The following KIAA1671 variants were observed in gnomAD, a reference collection of about 807,000 sequenced individuals.
The protein encoded by KIAA1671 is KIAA1671, also known as uncharacterized protein KIAA1671.
A neutral mutation model predicts 131.2 loss-of-function variants in KIAA1671; 52 were observed. That is an observed-to-expected ratio of 0.40 (90% confidence interval 0.32 to 0.50). KIAA1671 has a LOEUF of 0.50. KIAA1671 is among the 20% of genes least tolerant of loss of function. The pLI is 0.73. For synonymous variants in KIAA1671, 1,003 were observed against 961.6 expected, an observed-to-expected ratio of 1.04 and a Z score of -0.80; for missense variants, 2,360 against 2,364.2, an observed-to-expected ratio of 1.00 and a Z score of 0.04.
intron 6 of KIAA1671, among the ~76,000 whole-genome samples, chr22:25,142,917 G>T (rs1307174162): frequency 6.6e-6 from 1 of 152,186 alleles, no homozygotes; most frequent in Non-Finnish European, 1.5e-5. Context: ...GTGCTCCTGT[G>T]CCTTACCTGG....
chr22:25,082,848 A>C (rs1361647041), intron 6 of KIAA1671, among the ~76,000 whole-genome samples: 1 of 152,192 alleles, frequency 6.6e-6, no homozygotes, highest in Non-Finnish European at 1.5e-5. Context: ...AGAACAAAAA[A>C]ACAAAAAACA....
intron 5 of KIAA1671, among the ~76,000 whole-genome samples, chr22:25,046,662 T>C (rs1927249860): frequency 6.6e-6 from 1 of 152,220 alleles, no homozygotes; most frequent in South Asian, 2.1e-4. Context: ...AATTCCTTTT[T>C]TTCTTTTGAG....
intron 1 of KIAA1671, among the ~76,000 whole-genome samples, chr22:24,965,860 C>T (rs1315592899): frequency 1.3e-5 from 2 of 151,778 alleles, no homozygotes. Context: ...GTTGTAGTAG[C>T]AGAAATAGCA....
rs571028676 is a variant in KIAA1671, at chr22:25,069,769, C to T, written c.4530+20405C>T. Among the ~76,000 whole-genome samples the T allele has an allele frequency of 3.3e-5, 5 of 152,210 alleles. No individual in the cohort carries two copies. In the East Asian group the frequency reaches 5.8e-4, roughly 18 times the overall value. ...ATGGGATCCTGAGTTGATTTCCTTC[C>T]CTGTAACGAGTGGCAGGGCCTCCTT... On this transcript the variant is annotated intron_variant, in intron 6 of 12. Coordinates refer to ENST00000358431, the MANE Select transcript of KIAA1671 (RefSeq NM_001145206.2).
chr22:24,992,646 C>G (rs545019037), intron 1 of KIAA1671, among the ~76,000 whole-genome samples: 2 of 151,826 alleles, frequency 1.3e-5, no homozygotes, highest in Non-Finnish European at 2.9e-5. Flanking sequence ...GAAACCCCCT[C>G]TCTACTAAAA....
chr22:25,093,747 T>A (rs1930180494), intron 6 of KIAA1671, among the ~76,000 whole-genome samples: 11 of 125,722 alleles, frequency 8.7e-5, no homozygotes, highest in East Asian at 2.4e-4. Context: ...ACTCTCTCTC[T>A]CTCTCTCTCT....
chr22:25,161,457 G>A (rs566123016), intron 6 of KIAA1671, among the ~76,000 whole-genome samples: 29 of 152,338 alleles, frequency 1.9e-4, no homozygotes, highest in South Asian at 1.0e-3. Flanking sequence ...AGCTCAGACA[G>A]GGGCCTGTGG....
At chr22:25,142,592 C>T (rs1256359025) in intron 6 of KIAA1671, among the ~76,000 whole-genome samples, 13 of 152,160 alleles carry the variant, frequency 8.5e-5, no homozygotes, top group Admixed American at 3.3e-4. Context: ...GATGGATGGA[C>T]CGGGCATGGT....
At chr22:25,087,191 A>G (rs1326231723) in intron 6 of KIAA1671, among the ~76,000 whole-genome samples, 2 of 133,442 alleles carry the variant, frequency 1.5e-5, no homozygotes, top group Non-Finnish European at 3.2e-5. Context: ...TTATTTACCA[A>G]CCTCAGCTAC....
chr22:24,965,371 C>T (rs937265196), intron 1 of KIAA1671, among the ~76,000 whole-genome samples: 1 of 149,060 alleles, frequency 6.7e-6, no homozygotes, highest in Non-Finnish European at 1.5e-5. Flanking sequence ...ACTGAGATCA[C>T]GCCAGTGCAC....
At chr22:25,136,322 G>A (rs1932672659) in intron 6 of KIAA1671, among the ~76,000 whole-genome samples, 1 of 152,214 alleles carries the variant, frequency 6.6e-6, no homozygotes, top group South Asian at 2.1e-4. Context: ...TCAAGGCTCA[G>A]AGACAACAAG....
At chr22:24,988,735 C>CAAA (rs133092) in intron 1 of KIAA1671, among the ~76,000 whole-genome samples, 1,414 of 106,444 alleles carry the variant, frequency 0.013, 43 homozygotes, top group African/African-American at 0.045. Flanking sequence ...GACTCCATCT[C>CAAA]AAAAAAAAAA....
intron 1 of KIAA1671, among the ~76,000 whole-genome samples, chr22:24,961,854 T>C (rs1249069219): frequency 6.6e-6 from 1 of 152,068 alleles, no homozygotes; most frequent in Admixed American, 6.6e-5. Flanking sequence ...CTGGAGGGCA[T>C]GGGTAAGAAT....
At chr22:25,036,419 T>G (rs2145799844) in intron 4 of KIAA1671, among the ~76,000 whole-genome samples, 1 of 152,252 alleles carries the variant, frequency 6.6e-6, no homozygotes, top group South Asian at 2.1e-4. Context: ...ACACATAACA[T>G]AAAATATATC....
Position 25,039,085 on chromosome 22 carries a change from C to T in KIAA1671, c.1955C>T (p.Pro652Leu). 1 of 1,551,672 alleles carries T rather than the reference C, an allele frequency of 6.4e-7. No individual in the cohort carries two copies. Among genetic ancestry groups the T allele is most frequent in the African/African-American group, 1.4e-5 (1 of 73,186 alleles). Residue 652 changes from proline to leucine, a missense_variant, in exon 5 of 13, where the codon CCT (proline) becomes CTT (leucine). Coordinates refer to ENST00000358431, the MANE Select transcript of KIAA1671 (RefSeq NM_001145206.2). ...HARVSEPRPR[P>L]EMGSWLGRDP... The stretch of plus-strand genomic sequence containing the variant: ...CGTGTCTCAGAACCCAGGCCGAGGC[C>T]TGAGATGGGCTCTTGGCTGGGCAGG...
At chr22:25,096,151 T>C (rs1422350634) in intron 6 of KIAA1671, among the ~76,000 whole-genome samples, 21 of 152,180 alleles carry the variant, frequency 1.4e-4, no homozygotes. Context: ...CCTTGTCAGA[T>C]GAGGAGAGAC....
intron 1 of KIAA1671, among the ~76,000 whole-genome samples, chr22:25,008,026 T>G (rs1251332609): frequency 1.3e-5 from 2 of 151,796 alleles, no homozygotes; most frequent in Non-Finnish European, 2.9e-5. Flanking sequence ...GATGAAACCC[T>G]GTCTCTATTA....
chr22:25,114,176 A>G (rs992709012), intron 6 of KIAA1671, among the ~76,000 whole-genome samples: 2 of 152,192 alleles, frequency 1.3e-5, no homozygotes, highest in Non-Finnish European at 2.9e-5. Flanking sequence ...AATACATTCA[A>G]GCTTCAGGCT....
chr22:24,992,706 T>C (rs1923904918), intron 1 of KIAA1671, among the ~76,000 whole-genome samples: 1 of 147,328 alleles, frequency 6.8e-6, no homozygotes. Flanking sequence ...TCCCAGCTAC[T>C]CAGGAGACTG....
Sources: allele counts gnomAD v4.1 joint callset (sites outside exome capture counted in the v4.1 genomes callset), GRCh38; gene constraint gnomAD v4.1.1; transcripts MANE v1.5; gene names NCBI Gene and HGNC (gene_info 2026-07-23, HGNC 2026-07-21).